The following MMEL1 variants were observed in gnomAD, a reference collection of about 807,000 sequenced individuals.
MMEL1 encodes the protein membrane metallo-endopeptidase-like 1.
A neutral mutation model predicts 117.1 loss-of-function variants in MMEL1; 98 were observed. The ratio of observed to expected loss-of-function variants is 0.84; its 90% confidence interval spans 0.71 to 0.99. The LOEUF (loss-of-function observed/expected upper bound fraction) is 0.99, where lower values mean the gene tolerates loss of function less well. Ranked by LOEUF, MMEL1 falls within the 50% of genes least tolerant of loss-of-function variation. The probability of loss-of-function intolerance (pLI) is 0.00; values close to 1 mark genes in which losing one functional copy is unlikely to be tolerated. For missense variants in MMEL1, 1,014 were observed against 1,049.1 expected (o/e 0.97, Z 0.46); for synonymous variants, 390 against 415.1 (o/e 0.94, Z 0.74).
intron 17 of MMEL1, 122 bp from the exon 18 acceptor site, chr1:2,594,565 C>T: frequency 8.0e-7 from 1 of 1,252,702 alleles, no homozygotes; most frequent in Non-Finnish European, 1.1e-6. Context: ...AGGCCTATCC[C>T]AAGATCTGGT....
rs1342275936 is a variant in MMEL1 at position 2,629,277 on chromosome 1, G to T, written c.154+54C>A. On this transcript the variant is annotated intron_variant, in intron 2 of 23. Coordinates refer to ENST00000378412, the MANE Select transcript of MMEL1 (RefSeq NM_033467.4). The stretch of plus-strand genomic sequence containing the variant: ...CGGACCCTGCAGCAGGTGCAGCGGG[G>T]CGAGCGCGGAGAGCGGGCACGGGGA... The T allele has an allele frequency of 8.0e-6, 12 of 1,491,874 alleles. No individual in the cohort carries two copies. The East Asian group carries it at 3.1e-4, about 39-fold the overall frequency. 92.4% of individuals were successfully genotyped at this position (1,491,874 alleles called of 1,614,324 possible). A position where few individuals can be genotyped will look rare whatever the true frequency, so the allele number is the denominator to read the frequency against.
chr1:2,627,710 G>T (rs1638338639), intron 2 of MMEL1, among the ~76,000 whole-genome samples: 1 of 152,216 alleles, frequency 6.6e-6, no homozygotes, highest in South Asian at 2.1e-4. Context: ...CAATGAAAAA[G>T]TCATAATGGA....
chr1:2,592,151 G>C, intron 21 of MMEL1, 124 bp from the exon 22 acceptor site: 1 of 753,202 alleles, frequency 1.3e-6, no homozygotes, highest in South Asian at 1.7e-5. Context: ...GCTGCTGCAA[G>C]GGCCCTTCAC....
At chr1:2,596,178 G>T in intron 14 of MMEL1, 71 bp from the exon 15 acceptor site, 1 of 1,421,738 alleles carries the variant, frequency 7.0e-7, no homozygotes, top group Non-Finnish European at 9.8e-7. Context: ...AAGGGCTTTG[G>T]GGAGGTCTGG....
Position 2,596,658 on chromosome 1 carries a change from C to A in MMEL1, c.1304G>T (p.Arg435Leu). 1 of 1,612,996 alleles carries A rather than the reference C, an allele frequency of 6.2e-7. No homozygotes were observed. The highest frequency in any genetic ancestry group is 8.5e-7 in the Non-Finnish European group (1 of 1,179,832). The change falls in exon 14 of 24, where the codon CGC (arginine) becomes CTC (leucine). Residue 435 changes from arginine to leucine, a missense_variant. Arg to Leu is a moderately radical substitution (Grantham distance 102). Transcript: ENST00000378412. The part of the protein sequence containing the change: ...ALFGTMVEEV[R>L]WRECVGYVNS... ...GACGTAGCCCACACATTCACGCCAG[C>A]GCACCTCCTCCACCATTGTGCCAAA...
At chr1:2,616,587 C>T (rs916846742) in intron 2 of MMEL1, among the ~76,000 whole-genome samples, 17 of 152,136 alleles carry the variant, frequency 1.1e-4, no homozygotes, top group Admixed American at 2.6e-4. Context: ...TGTGTCTCTA[C>T]CAGATGTGCC....
In MMEL1 at chr1:2,595,503, G is replaced by C; in HGVS notation, c.1501-144C>G. 1.5e-6 allele frequency: 1 copy of C among 682,578 alleles called. No individual in the cohort carries two copies. Among genetic ancestry groups the C allele is most frequent in the Non-Finnish European group, 2.6e-6 (1 of 388,134 alleles). 42.3% of individuals were successfully genotyped at this position (682,578 alleles called of 1,614,324 possible). A position where few individuals can be genotyped will look rare whatever the true frequency, so the allele number is the denominator to read the frequency against. On this transcript the variant is annotated intron_variant, in intron 15 of 23. Transcript: ENST00000378412. The surrounding 1 kb of genome is among the most constrained non-coding windows in gnomAD (Gnocchi z 4.8). The stretch of plus-strand genomic sequence containing the variant: ...CTCCCTGTCCTGTGGTGAGGGGCTG[G>C]GGGGCTCCGGGATCTGGCCCCCACC...
rs935799027 is a variant in MMEL1, at chr1:2,611,208, G to A, written c.292+73C>T. The A allele has an allele frequency of 4.8e-6, 7 of 1,445,992 alleles. No homozygotes were observed. In the East Asian group the frequency reaches 7.8e-5, roughly 16 times the overall value. 89.6% of individuals were successfully genotyped at this position (1,445,992 alleles called of 1,614,324 possible). The stretch of plus-strand genomic sequence containing the variant: ...GAGTTGCTTCCCTGGGCCTTGGGCG[G>A]GGCCTACGTCAGTGTCAGCCGGGAG... On this transcript the variant is annotated intron_variant, in intron 4 of 23. Transcript: ENST00000378412.
rs756150874 is a variant in MMEL1 at position 2,603,938 on chromosome 1, G to A, written c.987C>T (p.Ile329=). ...TVPQEERHDV[I]ALYHRMGLEE... ...CCAGTCCCATCCGGTGGTACAAGGCGATGACGTCGTGTCTCTCCTCCTGGG... is the reference window on the plus strand; with the variant it reads ...CCAGTCCCATCCGGTGGTACAAGGCAATGACGTCGTGTCTCTCCTCCTGGG... Residue 329 remains isoleucine, a synonymous_variant, in exon 11 of 24, where the codon ATC becomes ATT. Coordinates refer to ENST00000378412, the MANE Select transcript of MMEL1 (RefSeq NM_033467.4). 6.8e-6 allele frequency: 11 copies of A among 1,613,890 alleles called. No individual in the cohort carries two copies. The highest frequency in any genetic ancestry group is 4.4e-5 in the South Asian group (4 of 91,084).
intron 11 of MMEL1, among the ~76,000 whole-genome samples, chr1:2,599,755 G>A (rs1644901711): frequency 6.6e-6 from 1 of 151,876 alleles, no homozygotes; most frequent in African/African-American, 2.4e-5. Flanking sequence ...TACTTGGGAG[G>A]CTGAGGCATG....
Position 2,609,404 on chromosome 1 carries a change from G to A in MMEL1, c.470C>T (p.Ser157Leu), listed in dbSNP as rs775676367. Residue 157 changes from serine to leucine, a missense_variant, in exon 6 of 24, where the codon TCG becomes TTG. Physicochemically the swap from Ser to Leu is moderately radical, Grantham distance 145 (BLOSUM62 -2). Transcript: ENST00000378412. ...CACAGCCGGCCGGTCCTTGGCAGTC[G>A]AATTCTCCAGCACCGCTGTGGGCAC... ...EVILKAVLEN[S>L]TAKDRPAVEK... 1.6e-5 allele frequency: 26 copies of A among 1,610,800 alleles called. No homozygotes were observed. Among genetic ancestry groups the A allele is most frequent in the South Asian group, 6.6e-5 (6 of 90,538 alleles).
intron 16 of MMEL1, 41 bp from the exon 17 acceptor site, chr1:2,594,934 G>A (rs1395037864): frequency 1.3e-6 from 2 of 1,547,958 alleles, no homozygotes; most frequent in Admixed American, 3.4e-5. Flanking sequence ...CTGGGGCCGG[G>A]CCCTCAGAGG....
At chr1:2,623,860 C>T (rs1210542623) in intron 2 of MMEL1, among the ~76,000 whole-genome samples, 1 of 152,216 alleles carries the variant, frequency 6.6e-6, no homozygotes, top group African/African-American at 2.4e-5. Flanking sequence ...GGTGTAACCC[C>T]TCTCACGCCC....
intron 11 of MMEL1, among the ~76,000 whole-genome samples, chr1:2,602,603 C>G (rs1644950692): frequency 6.6e-6 from 1 of 152,232 alleles, no homozygotes. Flanking sequence ...CCCCTTCACT[C>G]ACTCTTACTT....
At chr1:2,629,248 C>T (rs1638419300) in intron 2 of MMEL1, 83 bp downstream of exon 2, 1 of 1,404,978 alleles carries the variant, frequency 7.1e-7, no homozygotes. Context: ...GGGCTGGGGG[C>T]AGGCGGACCC....
rs1411313293 is a variant in MMEL1 at position 2,616,382 on chromosome 1, A to G, written c.155-4178T>C. Among the ~76,000 whole-genome samples, 3 of 151,514 alleles carry G rather than the reference A, an allele frequency of 2.0e-5. No individual in the cohort carries two copies. In the East Asian group the frequency reaches 5.8e-4, roughly 29 times the overall value. On this transcript the variant is annotated intron_variant, in intron 2 of 23. Transcript: ENST00000378412. ...AAAAGCAGACAAAAAAAGACACATTATATTGAGGGGAACAACAGTAAGAAT... is the reference window on the plus strand; with the variant it reads ...AAAAGCAGACAAAAAAAGACACATTGTATTGAGGGGAACAACAGTAAGAAT...
intron 2 of MMEL1, among the ~76,000 whole-genome samples, chr1:2,626,727 T>C (rs1035910674): frequency 6.6e-6 from 1 of 151,556 alleles, no homozygotes; most frequent in Non-Finnish European, 1.5e-5. Context: ...AGAAAGTTTA[T>C]AACTTTAAAA....
At chr1:2,604,088 A>T (rs1209739048) in intron 10 of MMEL1, 59 bp downstream of exon 10, 7 of 1,571,968 alleles carry the variant, frequency 4.5e-6, no homozygotes, top group Non-Finnish European at 6.1e-6. Flanking sequence ...GGCCAGCCAC[A>T]CCGCCTGGGG....
At position 2,592,705 on chromosome 1, in the gene MMEL1, T is replaced by G. The variant is rs1570643967; in HGVS notation, c.2017A>C (p.Thr673Pro). The change falls in exon 21 of 24, where the codon ACC becomes CCC. Residue 673 changes from threonine (T) to proline (P), a missense_variant. Physicochemically the swap from Thr to Pro is conservative, Grantham distance 38. Coordinates refer to ENST00000378412, the MANE Select transcript of MMEL1 (RefSeq NM_033467.4). Reference protein sequence around the residue: ...ADEQNVNGFNTLGENIADNGG... With the variant: ...ADEQNVNGFNPLGENIADNGG... ...TTGTCAGCAATGTTTTCCCCAAGGG[T>G]GTTGAATCCGTTCACCTGCGCACAG... 1.3e-6 allele frequency: 2 copies of G among 1,534,134 alleles called. No homozygotes were observed. Among genetic ancestry groups the G allele is most frequent in the East Asian group, 2.6e-5 (1 of 38,986 alleles).
Sources: gnomAD v4.1 joint callset for allele counts (sites outside exome capture counted in the v4.1 genomes callset) on GRCh38, gnomAD v4.1.1 for gene constraint, Gnocchi (gnomAD v3.1) non-coding constraint, MANE v1.5 for transcripts, NCBI Gene and HGNC (gene_info 2026-07-23, HGNC 2026-07-21) for gene names.